The following RBFOX1 variants were observed in gnomAD, a reference collection of about 807,000 sequenced individuals.
RBFOX1 encodes RNA binding protein fox-1 homolog 1.
A neutral mutation model predicts 57.7 loss-of-function variants in RBFOX1; 8 were observed. That is an observed-to-expected ratio of 0.14 (90% CI 0.08 to 0.25). The LOEUF is 0.25. Ranked by LOEUF, RBFOX1 falls within the 10% of genes least tolerant of loss-of-function variation. RBFOX1 has a pLI of 1.00. For synonymous variants in RBFOX1, 326 were observed against 222.4 expected (o/e 1.47, Z -4.15); for missense variants, 611 against 548.5 (o/e 1.11, Z -1.14).
chr16:5,383,876 T>C (rs757844730), intron 1 of RBFOX1, among the ~76,000 whole-genome samples: 14 of 152,244 alleles, frequency 9.2e-5, no homozygotes, highest in Admixed American at 2.6e-4. Flanking sequence ...TCTAACAATA[T>C]GACTACTTCA....
At chr16:7,442,249 C>T (rs1200774407) in intron 4 of RBFOX1, among the ~76,000 whole-genome samples, 1 of 152,132 alleles carries the variant, frequency 6.6e-6, no homozygotes, top group African/African-American at 2.4e-5. Flanking sequence ...GTGTTCTCCC[C>T]AGCCATCCCC....
intron 2 of RBFOX1, among the ~76,000 whole-genome samples, chr16:5,536,260 G>C (rs1249628060): frequency 7.6e-6 from 1 of 132,428 alleles, no homozygotes; most frequent in African/African-American, 3.0e-5. Flanking sequence ...TTTTTAGATG[G>C]AGTCTTGCTT....
intron 2 of RBFOX1, among the ~76,000 whole-genome samples, chr16:5,543,192 C>G (rs1597460207): frequency 6.6e-6 from 1 of 151,934 alleles, no homozygotes; most frequent in African/African-American, 2.4e-5. Flanking sequence ...AATATCAAGC[C>G]CAAAGAAGTT....
intron 1 of RBFOX1, among the ~76,000 whole-genome samples, chr16:5,451,048 G>T (rs12599136): frequency 0.4 from 60,433 of 152,122 alleles, 12,607 homozygotes; most frequent in East Asian, 0.56. Flanking sequence ...GCCTGGTACA[G>T]AGTGGGCACT....
chr16:7,540,151 C>G (rs2082542038), intron 5 of RBFOX1, among the ~76,000 whole-genome samples: 1 of 152,200 alleles, frequency 6.6e-6, no homozygotes, highest in Admixed American at 6.5e-5. Flanking sequence ...TTCAAAGGCT[C>G]ACTCTGCTAC....
chr16:5,421,427 C>T (rs2151485773), intron 1 of RBFOX1, among the ~76,000 whole-genome samples: 1 of 152,320 alleles, frequency 6.6e-6, no homozygotes, highest in East Asian at 1.9e-4. Flanking sequence ...CAAATGGCAG[C>T]TTGGCCTTGG....
intron 3 of RBFOX1, among the ~76,000 whole-genome samples, chr16:6,875,300 G>A (rs964512020): frequency 1.3e-5 from 2 of 152,074 alleles, no homozygotes; most frequent in African/African-American, 4.8e-5. Flanking sequence ...CGTTATGGTG[G>A]GGGTGCGTTT....
chr16:5,975,688 C>G (rs528179750), intron 4 of RBFOX1, among the ~76,000 whole-genome samples: 2 of 152,264 alleles, frequency 1.3e-5, no homozygotes, highest in South Asian at 4.2e-4. Flanking sequence ...GTTGGAGGAG[C>G]TCCTAGCATA....
At position 6,383,656 on chromosome 16, in the gene RBFOX1, C is replaced by A. The variant is rs531896323; in HGVS notation, c.-64+66599C>A. Among the ~76,000 whole-genome samples, 58 of 152,008 alleles carry A rather than the reference C, an allele frequency of 3.8e-4. 1 individual carries two copies. The highest frequency in any genetic ancestry group is 6.2e-4 in the South Asian group (3 of 4,808). Reference sequence around the variant, plus strand: ...CGTATGGTGTGTGCCTATAATCCTACCTACTCGGGAGGCTGAGGCAGGAGA... The same window carrying A: ...CGTATGGTGTGTGCCTATAATCCTAACTACTCGGGAGGCTGAGGCAGGAGA... On this transcript the variant is annotated intron_variant, in intron 2 of 15. Coordinates refer to ENST00000550418, the MANE Select transcript of RBFOX1 (RefSeq NM_018723.4).
chr16:6,747,422 AT>A (rs982814588), intron 3 of RBFOX1, among the ~76,000 whole-genome samples: 8 of 147,838 alleles, frequency 5.4e-5, no homozygotes, highest in African/African-American at 2.0e-4. Flanking sequence ...GAAAAAAAAA[AT>A]CTATCAGTCA....
chr16:6,343,396 A>G (rs923147255), intron 2 of RBFOX1, among the ~76,000 whole-genome samples: 1 of 152,210 alleles, frequency 6.6e-6, no homozygotes, highest in African/African-American at 2.4e-5. Context: ...AATTATGCTC[A>G]GCAGTTGTTA....
rs1491496628 is a variant in RBFOX1, at chr16:6,779,827, ATT to A, written c.-16+125181_-16+125182del. 1.5e-3 allele frequency among the ~76,000 whole-genome samples: 11 copies of A among 7,576 alleles called. 2 individuals are homozygous for A. Among genetic ancestry groups the A allele is most frequent in the African/African-American group, 2.2e-3 (4 of 1,802 alleles). The allele number at this position is 7,576 out of a possible 152,430, so 5.0% of individuals were successfully genotyped here. On this transcript the variant is annotated intron_variant, in intron 3 of 15. Coordinates refer to ENST00000550418, the MANE Select transcript of RBFOX1 (RefSeq NM_018723.4). ...TATATTTATATATATATTTATATAT[ATT>A]TTTATATATTTATATATATATTTAT... is the stretch of plus-strand genomic sequence containing the variant.
chr16:5,935,955 G>A (rs542155901), intron 4 of RBFOX1, among the ~76,000 whole-genome samples: 23 of 152,102 alleles, frequency 1.5e-4, no homozygotes, highest in Admixed American at 1.5e-3. Context: ...AGGCCCTCAG[G>A]GCCTTCGTTC....
At chr16:6,634,060 T>C (rs1397025282) in intron 2 of RBFOX1, among the ~76,000 whole-genome samples, 2 of 149,798 alleles carry the variant, frequency 1.3e-5, no homozygotes, top group Admixed American at 1.3e-4. Context: ...TCTTATTGAA[T>C]AAACCTACAC....
chr16:7,203,253 C>T (rs1034233937), intron 4 of RBFOX1, among the ~76,000 whole-genome samples: 3 of 152,096 alleles, frequency 2.0e-5, no homozygotes, highest in African/African-American at 7.2e-5. Flanking sequence ...ACAAATGAGC[C>T]CTGAGGACAT....
intron 3 of RBFOX1, among the ~76,000 whole-genome samples, chr16:6,953,396 T>G (rs1006727810): frequency 9.1e-6 from 1 of 110,188 alleles, no homozygotes; most frequent in South Asian, 3.0e-4. Flanking sequence ...GTTGTTATTG[T>G]TTTTTTTTGA....
At chr16:5,970,166 A>G (rs934917487) in intron 4 of RBFOX1, among the ~76,000 whole-genome samples, 1 of 152,056 alleles carries the variant, frequency 6.6e-6, no homozygotes, top group Non-Finnish European at 1.5e-5. Flanking sequence ...GTAGCACAGG[A>G]GTCTTGGGAT....
chr16:6,753,746 C>A (rs546263569), intron 3 of RBFOX1, among the ~76,000 whole-genome samples: 16 of 152,228 alleles, frequency 1.1e-4, no homozygotes, highest in African/African-American at 3.6e-4. Context: ...GCAGCTCTGG[C>A]CTCCTTGGAT....
chr16:6,221,300 T>G (rs2097371732), intron 1 of RBFOX1, among the ~76,000 whole-genome samples: 1 of 152,214 alleles, frequency 6.6e-6, no homozygotes, highest in Non-Finnish European at 1.5e-5. Flanking sequence ...TAATAGAAAC[T>G]GTATCACTGC....
Sources: allele counts gnomAD v4.1 joint callset (sites outside exome capture counted in the v4.1 genomes callset), GRCh38; gene constraint gnomAD v4.1.1; transcripts MANE v1.5; gene names NCBI Gene and HGNC (gene_info 2026-07-23, HGNC 2026-07-21).